TBL1X: variants seen among roughly 807,000 people sequenced by gnomAD.
TBL1X encodes transducin beta like 1 X-linked.
Under a neutral mutation model 50.7 loss-of-function variants are expected in TBL1X, and 10 were observed. That is an observed-to-expected ratio of 0.20 (90% confidence interval 0.12 to 0.33). The LOEUF (loss-of-function observed/expected upper bound fraction) is 0.33. Ranked by LOEUF, TBL1X falls within the 10% of genes least tolerant of loss-of-function variation. TBL1X has a pLI of 1.00. For synonymous variants in TBL1X, 190 were observed against 214.7 expected (o/e 0.88, Z 1.01); for missense variants, 340 against 504.4 (o/e 0.67, Z 3.12).
intron 3 of TBL1X, among the ~76,000 whole-genome samples, chrX:9,643,469 G>C (rs963298495): frequency 1.8e-5 from 2 of 111,487 alleles, no homozygotes; most frequent in Non-Finnish European, 3.8e-5. Flanking sequence ...AGGATGGTTG[G>C]ACTCTGATCT....
chrX:9,651,263 T>C (rs2082833931), intron 3 of TBL1X, among the ~76,000 whole-genome samples: 1 of 111,568 alleles, frequency 9.0e-6, no homozygotes, highest in South Asian at 3.7e-4. Flanking sequence ...CAGGCAGGTC[T>C]CAAACTCCTG....
chrX:9,577,615 GCA>G (rs1348567230), intron 2 of TBL1X, among the ~76,000 whole-genome samples: 1 of 112,143 alleles, frequency 8.9e-6, no homozygotes, highest in African/African-American at 3.2e-5. Context: ...ATCCCACAGT[GCA>G]CAGGACGGCC....
chrX:9,538,568 ATCTTC>A (rs1367171299), intron 2 of TBL1X, among the ~76,000 whole-genome samples: 12 of 112,454 alleles, frequency 1.1e-4, no homozygotes, highest in African/African-American at 3.9e-4. Context: ...TCCTTCAGAT[ATCTTC>A]TCTTTGGTGC....
chrX:9,597,565 A>C (rs1410726680), intron 2 of TBL1X, among the ~76,000 whole-genome samples: 1 of 112,553 alleles, frequency 8.9e-6, no homozygotes, highest in Admixed American at 9.4e-5. Flanking sequence ...CCAGCTGCCC[A>C]CTGGCCAGAC....
chrX:9,689,552 A>G (rs893723512), intron 7 of TBL1X, among the ~76,000 whole-genome samples: 5 of 111,940 alleles, frequency 4.5e-5, no homozygotes, highest in African/African-American at 9.7e-5. Flanking sequence ...TCCTCTGTGC[A>G]TGTGGCCAGA....
In TBL1X at chrX:9,647,370, TG is replaced by T. The variant is rs763422851; in HGVS notation, c.-42-6174del. On this transcript the variant is annotated intron_variant, in intron 3 of 17. Coordinates refer to ENST00000645353, the MANE Select transcript of TBL1X (RefSeq NM_005647.4). The stretch of plus-strand genomic sequence containing the variant: ...TTCTTTAAGCAGCACAGTGAGAGAA[TG>T]TTGTGGCTTTAACCCAAAGTGGAAG... Among the ~76,000 whole-genome samples the T allele has an allele frequency of 2.0e-4, 23 of 112,479 alleles. No homozygotes were observed. In the Admixed American group the frequency reaches 2.1e-3, roughly 10 times the overall value.
chrX:9,713,421 C>CTTTTTTTTTTTTTTTTTTTT lies in TBL1X; in HGVS notation c.1606-1477_1606-1476insTTTTTTTTTTTTTTTTTTTT, dbSNP rs757107084. 2.3e-5 allele frequency among the ~76,000 whole-genome samples: 2 copies of CTTTTTTTTTTTTTTTTTTTT among 87,570 alleles called. 1 individual carries two copies. The allele number at this position is 87,570 out of a possible 115,157, so 76.0% of individuals were successfully genotyped here. On this transcript the variant is annotated intron_variant, in intron 16 of 17. Coordinates refer to ENST00000645353, the MANE Select transcript of TBL1X (RefSeq NM_005647.4). ...TTATAAATCAAAGAAATCCTTAGGA[C>CTTTTTTTTTTTTTTTTTTTT]TTTTCTTTTTTTTTTTTTTTTTTGG...
chrX:9,710,559 T>A (rs750838562), intron 15 of TBL1X, among the ~76,000 whole-genome samples: 1 of 112,048 alleles, frequency 8.9e-6, no homozygotes, highest in Non-Finnish European at 1.9e-5. Flanking sequence ...GCATAAATTA[T>A]CCTTTTAGTC....
At chrX:9,699,712 C>T (rs188118685) in intron 12 of TBL1X, among the ~76,000 whole-genome samples, 2 of 111,589 alleles carry the variant, frequency 1.8e-5, no homozygotes, top group African/African-American at 3.3e-5. Context: ...TAGGCACCCA[C>T]GTCTGTTATA....
intron 2 of TBL1X, among the ~76,000 whole-genome samples, chrX:9,639,512 G>A (rs1305844006): frequency 1.8e-5 from 2 of 112,064 alleles, no homozygotes; most frequent in East Asian, 2.8e-4. Flanking sequence ...ACTGATTAGT[G>A]TTTATAGTGA....
At chrX:9,487,683 T>C (rs1449970469) in intron 1 of TBL1X, among the ~76,000 whole-genome samples, 1 of 112,400 alleles carries the variant, frequency 8.9e-6, no homozygotes, top group Non-Finnish European at 1.9e-5. Context: ...TCGCATTTGC[T>C]GTAGTTCCTC....
At chrX:9,578,196 T>C (rs1371606105) in intron 2 of TBL1X, among the ~76,000 whole-genome samples, 5 of 111,883 alleles carry the variant, frequency 4.5e-5, no homozygotes, top group Non-Finnish European at 9.4e-5. Flanking sequence ...AGTTGGTCTT[T>C]GCAAACCAGC....
At chrX:9,564,481 C>G (rs1219287527) in intron 2 of TBL1X, among the ~76,000 whole-genome samples, 2 of 111,122 alleles carry the variant, frequency 1.8e-5, no homozygotes, top group Non-Finnish European at 3.8e-5. Context: ...CTCCTGTAAT[C>G]CCAGCACTTT....
chrX:9,525,345 T>C (rs1204467061), intron 2 of TBL1X, among the ~76,000 whole-genome samples: 2 of 112,185 alleles, frequency 1.8e-5, no homozygotes, highest in Non-Finnish European at 1.9e-5. Context: ...AATAGCTCAA[T>C]AGACTGTATG....
chrX:9,505,035 G>A (rs1207851728), intron 2 of TBL1X, among the ~76,000 whole-genome samples: 1 of 111,680 alleles, frequency 9.0e-6, no homozygotes, highest in Non-Finnish European at 1.9e-5. Context: ...TCGAAATGAA[G>A]GATAAAACTA....
At chrX:9,697,461 T>C (rs1350057510) in intron 12 of TBL1X, 32 bp downstream of exon 12, 3 of 1,203,731 alleles carry the variant, frequency 2.5e-6, no homozygotes, top group Non-Finnish European at 3.4e-6. Flanking sequence ...TTGTTGTTTG[T>C]TTTTTTGTAA....
At chrX:9,639,967 AT>A (rs1250119187) in intron 2 of TBL1X, 1 of 112,457 alleles carries the variant, frequency 8.9e-6, no homozygotes, top group Non-Finnish European at 1.9e-5. Context: ...TCTTTAAATT[AT>A]CTTTAAATAA....
At chrX:9,618,549 C>T (rs1038027926) in intron 2 of TBL1X, among the ~76,000 whole-genome samples, 29 of 111,436 alleles carry the variant, frequency 2.6e-4, no homozygotes, top group South Asian at 1.1e-3. Flanking sequence ...CATGGTGGCG[C>T]GCCCCTGTAA....
At chrX:9,581,550 G>C (rs1233026116) in intron 2 of TBL1X, among the ~76,000 whole-genome samples, 1 of 111,816 alleles carries the variant, frequency 8.9e-6, no homozygotes, top group Non-Finnish European at 1.9e-5. Context: ...CTGTGTGGGG[G>C]ATGCTGTTGG....
Sources: allele counts gnomAD v4.1 joint callset (sites outside exome capture counted in the v4.1 genomes callset), GRCh38; gene constraint gnomAD v4.1.1; transcripts MANE v1.5; gene names NCBI Gene and HGNC (gene_info 2026-07-23, HGNC 2026-07-21).